TMEM132D: variants seen among roughly 807,000 people sequenced by gnomAD.
The protein encoded by TMEM132D is mature OL transmembrane protein.
TMEM132D carries 21 observed loss-of-function variants against 62.3 expected under a neutral mutation model. The ratio of observed to expected loss-of-function variants is 0.34; its 90% CI spans 0.24 to 0.49. The LOEUF (loss-of-function observed/expected upper bound fraction) is 0.49. Among genes scored for constraint, TMEM132D ranks in the 20% least tolerant of loss-of-function variants. TMEM132D has a pLI of 0.99. For synonymous variants in TMEM132D, 621 were observed against 575.6 expected (o/e 1.08, Z -1.13); for missense variants, 1,346 against 1,402.8 (o/e 0.96, Z 0.65).
At chr12:129,075,119 C>G (rs77410902) in intron 8 of TMEM132D, 60 bp from the exon 9 acceptor site, 17,875 of 1,428,580 alleles carry the variant, frequency 0.013, 145 homozygotes, top group Non-Finnish European at 0.015. Flanking sequence ...AGCCCCAAGT[C>G]TTAGTACAGT....
intron 5 of TMEM132D, among the ~76,000 whole-genome samples, chr12:129,125,533 C>T (rs112091813): frequency 0.06 from 8,287 of 137,058 alleles, 474 homozygotes; most frequent in East Asian, 0.32. Flanking sequence ...GAGACAGGGT[C>T]TCGCTCTGTC....
chr12:129,410,240 G>A (rs377582936), intron 3 of TMEM132D, among the ~76,000 whole-genome samples: 12 of 152,132 alleles, frequency 7.9e-5, no homozygotes, highest in African/African-American at 2.9e-4. Context: ...TTTCCACACA[G>A]GAAAACACAG....
intron 2 of TMEM132D, among the ~76,000 whole-genome samples, chr12:129,605,604 T>TATATATATATATATATATACACAC (rs150550863): frequency 6.6e-5 from 7 of 106,316 alleles, no homozygotes; most frequent in African/African-American, 2.7e-4. Flanking sequence ...TATATATATA[T>TATATATATATATATATATACACAC]ACACACACAT....
intron 3 of TMEM132D, among the ~76,000 whole-genome samples, chr12:129,529,788 T>C (rs1256812801): frequency 6.6e-6 from 1 of 152,224 alleles, no homozygotes; most frequent in African/African-American, 2.4e-5. Flanking sequence ...CACCCCCGTG[T>C]CCATCTCTCC....
chr12:129,488,958 G>A (rs1003152175), intron 3 of TMEM132D, among the ~76,000 whole-genome samples: 8 of 152,164 alleles, frequency 5.3e-5, no homozygotes, highest in South Asian at 2.1e-4. Flanking sequence ...TCAGAGCAGC[G>A]GCAGTTCATG....
intron 3 of TMEM132D, among the ~76,000 whole-genome samples, chr12:129,504,976 A>C (rs1025608326): frequency 2.6e-5 from 4 of 152,214 alleles, no homozygotes; most frequent in African/African-American, 7.2e-5. Context: ...TGACCCACTG[A>C]TAATTCAAGA....
intron 2 of TMEM132D, among the ~76,000 whole-genome samples, chr12:129,604,531 C>T (rs929356466): frequency 6.6e-6 from 1 of 152,180 alleles, no homozygotes; most frequent in Non-Finnish European, 1.5e-5. Context: ...TTGGATCCTA[C>T]AGCAGCTTAG....
chr12:129,625,774 C>G (rs1309388291), intron 2 of TMEM132D, among the ~76,000 whole-genome samples: 3 of 152,144 alleles, frequency 2.0e-5, no homozygotes, highest in African/African-American at 7.2e-5. Flanking sequence ...TCACTTTATA[C>G]TTGTAGGATT....
At position 129,213,231 on chromosome 12, in the gene TMEM132D, A is replaced by G. The variant is rs144843630; in HGVS notation, c.1300-3568T>C. 9.9e-3 allele frequency among the ~76,000 whole-genome samples: 1,510 copies of G among 152,318 alleles called. 30 individuals are homozygous for G. Among genetic ancestry groups the G allele is most frequent in the African/African-American group, 0.035 (1,438 of 41,562 alleles). On this transcript the variant is annotated intron_variant, in intron 4 of 8. Transcript: ENST00000422113. ...TACCAGGCTAGGTGCAGTGGCTCAC[A>G]CCTGCAATCCCAGCCCTTTGGGAGG...
At chr12:129,490,263 G>A (rs187487978) in intron 3 of TMEM132D, among the ~76,000 whole-genome samples, 3 of 152,126 alleles carry the variant, frequency 2.0e-5, no homozygotes, top group African/African-American at 7.2e-5. Context: ...ATCCATCTCA[G>A]TGCACTCAAT....
At chr12:129,516,652 C>G (rs996502527) in intron 3 of TMEM132D, among the ~76,000 whole-genome samples, 3 of 152,142 alleles carry the variant, frequency 2.0e-5, no homozygotes, top group Admixed American at 6.5e-5. Context: ...ATTATGGGAG[C>G]TACAATTCAA....
At chr12:129,099,266 G>C (rs1156585425) in intron 5 of TMEM132D, among the ~76,000 whole-genome samples, 1 of 152,118 alleles carries the variant, frequency 6.6e-6, no homozygotes, top group East Asian at 1.9e-4. Context: ...CGTCAGGTTG[G>C]GGTAACAACT....
In TMEM132D at chr12:129,368,245, A is replaced by ATGTGTGTGTG. The variant is rs34221350; in HGVS notation, c.1116-30438_1116-30429dup. Among the ~76,000 whole-genome samples, 319 of 151,382 alleles carry ATGTGTGTGTG rather than the reference A, an allele frequency of 2.1e-3. 2 individuals carry two copies. The highest frequency in any genetic ancestry group is 2.2e-3 in the African/African-American group (92 of 41,266). ...CCAACTGAAGATCTACATATGCAAA[A>ATGTGTGTGTG]TGTGTGTGTGTGTGTGTGTACACAT... On this transcript the variant is annotated intron_variant, in intron 3 of 8. Transcript: ENST00000422113.
At chr12:129,416,835 T>G (rs908724695) in intron 3 of TMEM132D, among the ~76,000 whole-genome samples, 2 of 152,208 alleles carry the variant, frequency 1.3e-5, no homozygotes, top group Non-Finnish European at 2.9e-5. Context: ...GTTTATGTGA[T>G]GGATTATGTT....
chr12:129,480,619 C>G (rs1874400768), intron 3 of TMEM132D, among the ~76,000 whole-genome samples: 2 of 152,158 alleles, frequency 1.3e-5, no homozygotes, highest in East Asian at 3.9e-4. Context: ...TGAGTCATAC[C>G]TTCTTTGAAA....
intron 1 of TMEM132D, among the ~76,000 whole-genome samples, chr12:129,901,075 G>C (rs1228431932): frequency 2.6e-5 from 4 of 152,086 alleles, no homozygotes. Context: ...AGACAATACA[G>C]TAGAAATGAT....
chr12:129,638,959 C>T (rs559698453), intron 2 of TMEM132D, among the ~76,000 whole-genome samples: 9 of 152,202 alleles, frequency 5.9e-5, no homozygotes, highest in Admixed American at 2.6e-4. Flanking sequence ...AAAAACAAAC[C>T]TGGATTGAAG....
chr12:129,081,913 G>T lies in TMEM132D; in HGVS notation c.1769C>A (p.Pro590His). ...CAGCAGGTGGGCCAGGTGTCCCCCAGGGCCGGCCGCCTCAGCCACAAACTG... is the reference window on the plus strand; with the variant it reads ...CAGCAGGTGGGCCAGGTGTCCCCCATGGCCGGCCGCCTCAGCCACAAACTG... ...LTQFVAEAAGPGGHLAHLLGS... is the reference protein window; with the variant it reads ...LTQFVAEAAGHGGHLAHLLGS... The change falls in exon 7 of 9, where the codon CCT becomes CAT. Residue 590 changes from proline (P) to histidine (H), a missense_variant. Coordinates refer to ENST00000422113, the MANE Select transcript of TMEM132D (RefSeq NM_133448.3). 1 of 1,614,040 alleles carries T rather than the reference G, an allele frequency of 6.2e-7. No homozygotes were observed. Among genetic ancestry groups the T allele is most frequent in the Non-Finnish European group, 8.5e-7 (1 of 1,180,014 alleles).
intron 1 of TMEM132D, among the ~76,000 whole-genome samples, chr12:129,717,428 A>C (rs1215882171): frequency 6.6e-6 from 1 of 151,920 alleles, no homozygotes; most frequent in Non-Finnish European, 1.5e-5. Flanking sequence ...TTGGGTAAAA[A>C]CTGGCAGAAA....
Sources: allele counts gnomAD v4.1 joint callset (sites outside exome capture counted in the v4.1 genomes callset), GRCh38; gene constraint gnomAD v4.1.1; transcripts MANE v1.5; gene names NCBI Gene and HGNC (gene_info 2026-07-23, HGNC 2026-07-21).